Variants in PTK2 observed in about 807,000 individuals in gnomAD.
PTK2 encodes protein tyrosine kinase 2.
A neutral mutation model predicts 150.1 loss-of-function variants in PTK2; 45 were observed. The ratio of observed to expected loss-of-function variants is 0.30; its 90% CI spans 0.24 to 0.38. The LOEUF is 0.38. Ranked by LOEUF, PTK2 falls within the 10% of genes least tolerant of loss-of-function variation. The pLI, the probability that PTK2 is intolerant of heterozygous loss-of-function variation, is 1.00. For missense variants in PTK2, 919 were observed against 1,307.3 expected (o/e 0.70, Z 4.58); for synonymous variants, 432 against 449.2 (o/e 0.96, Z 0.48).
At chr8:140,786,702 A>T (rs2100085171) in intron 14 of PTK2, among the ~76,000 whole-genome samples, 1 of 152,146 alleles carries the variant, frequency 6.6e-6, no homozygotes, top group Admixed American at 6.6e-5. Flanking sequence ...AGCAAGCAGT[A>T]GGGGAATGAC....
In PTK2 at chr8:140,719,650, T is replaced by C. The variant is rs1195673719; in HGVS notation, c.2031-1941A>G. 2.0e-5 allele frequency among the ~76,000 whole-genome samples: 3 copies of C among 152,196 alleles called. No individual in the cohort carries two copies. In the East Asian group the frequency reaches 5.8e-4, roughly 29 times the overall value. On this transcript the variant is annotated intron_variant, in intron 22 of 31. Coordinates refer to ENST00000522684, the Ensembl canonical transcript of PTK2. Reference sequence around the variant, plus strand: ...GAGGGCTGCTCATTCAGCAAGTATTTGTTAACTTTGCTAACTTGCTCTGTG... The same window carrying C: ...GAGGGCTGCTCATTCAGCAAGTATTCGTTAACTTTGCTAACTTGCTCTGTG...
intron 27 of PTK2, among the ~76,000 whole-genome samples, chr8:140,681,044 G>C (rs961841283): frequency 5.9e-5 from 9 of 152,168 alleles, no homozygotes; most frequent in Non-Finnish European, 1.2e-4. Flanking sequence ...TTTGGCGTTG[G>C]TTTGCTCAAA....
intron 2 of PTK2, among the ~76,000 whole-genome samples, chr8:140,896,350 C>T (rs538237622): frequency 1.3e-5 from 2 of 152,128 alleles, no homozygotes; most frequent in East Asian, 1.9e-4. Flanking sequence ...GGATGAGAAA[C>T]GATAAAAGTC....
Position 140,861,174 on chromosome 8 carries a change from C to A in PTK2, c.450+3138G>T, listed in dbSNP as rs1447363522. Among the ~76,000 whole-genome samples, 6 of 151,972 alleles carry A rather than the reference C, an allele frequency of 3.9e-5. No homozygotes were observed. The East Asian group carries it at 1.2e-3, about 29-fold the overall frequency. The stretch of plus-strand genomic sequence containing the variant: ...TGGGTGGGTAACATAGCAAGACCCC[C>A]ATCTCTACAAAAGACTTTTTAAAAA... On this transcript the variant is annotated intron_variant, in intron 5 of 31. Transcript: ENST00000522684.
chr8:140,918,999 C>T (rs2100166379), intron 2 of PTK2, among the ~76,000 whole-genome samples: 1 of 152,138 alleles, frequency 6.6e-6, no homozygotes, highest in African/African-American at 2.4e-5. Context: ...ACAAGAGTAA[C>T]ATGAGGGGAG....
At chr8:140,723,162 C>T (rs1283751847) in intron 22 of PTK2, among the ~76,000 whole-genome samples, 2 of 152,224 alleles carry the variant, frequency 1.3e-5, no homozygotes, top group African/African-American at 4.8e-5. Context: ...AGCCCTTAAT[C>T]ACATATTGCC....
chr8:140,964,035 C>G (rs9324537), intron 1 of PTK2, among the ~76,000 whole-genome samples: 62,744 of 151,926 alleles, frequency 0.41, 15,045 homozygotes, highest in Non-Finnish European at 0.55. Context: ...TTTACTTATG[C>G]CAGTCCTTCT....
intron 23 of PTK2, among the ~76,000 whole-genome samples, chr8:140,715,391 C>T (rs1460268007): frequency 2.0e-5 from 3 of 151,878 alleles, no homozygotes; most frequent in East Asian, 3.9e-4. Flanking sequence ...AGGCTGGTCT[C>T]GAATTCCTGA....
chr8:140,816,001 T>A (rs1400904481), intron 10 of PTK2, among the ~76,000 whole-genome samples: 1 of 152,166 alleles, frequency 6.6e-6, no homozygotes, highest in Non-Finnish European at 1.5e-5. Context: ...TTAAACATGA[T>A]CTTTGAGCTT....
At chr8:140,899,301 C>T (rs970962035) in intron 2 of PTK2, among the ~76,000 whole-genome samples, 1 of 152,084 alleles carries the variant, frequency 6.6e-6, no homozygotes, top group African/African-American at 2.4e-5. Flanking sequence ...AAAGAGTTGA[C>T]CAAGATTCCC....
chr8:140,992,192 T>A (rs1186023799), intron 1 of PTK2, among the ~76,000 whole-genome samples: 1 of 149,810 alleles, frequency 6.7e-6, no homozygotes. Context: ...CTCAAGAGGC[T>A]GAGGCAGGAG....
intron 8 of PTK2, among the ~76,000 whole-genome samples, chr8:140,826,980 G>A (rs1305816254): frequency 6.6e-6 from 1 of 152,050 alleles, no homozygotes; most frequent in Non-Finnish European, 1.5e-5. Context: ...CATTCTTACA[G>A]AAGCCATTCC....
rs534488196 is a variant in PTK2 at position 140,880,772 on chromosome 8, C to T, written c.196-1135G>A. ...GCCTTCTCCATAAGCAAAGATAAAT[C>T]GTAACATGTACCATATACAAAAACT... On this transcript the variant is annotated intron_variant, in intron 3 of 31. Coordinates refer to ENST00000522684, the Ensembl canonical transcript of PTK2. Among the ~76,000 whole-genome samples, 9 of 152,208 alleles carry T rather than the reference C, an allele frequency of 5.9e-5. No homozygotes were observed. The East Asian group carries it at 1.5e-3, about 26-fold the overall frequency.
At chr8:140,951,364 G>A (rs1190286935) in intron 1 of PTK2, among the ~76,000 whole-genome samples, 1 of 152,280 alleles carries the variant, frequency 6.6e-6, no homozygotes, top group Non-Finnish European at 1.5e-5. Flanking sequence ...ACGGACTTAC[G>A]AAGGGGAACT....
intron 3 of PTK2, 127 bp downstream of exon 3, chr8:140,890,416 G>C: frequency 1.4e-6 from 1 of 711,438 alleles, no homozygotes; most frequent in Non-Finnish European, 2.2e-6. Context: ...ATTAAAAATA[G>C]CATTTCTGTA....
intron 7 of PTK2, among the ~76,000 whole-genome samples, chr8:140,842,245 T>TA (rs2100122779): frequency 6.6e-6 from 1 of 152,066 alleles, no homozygotes; most frequent in Non-Finnish European, 1.5e-5. Context: ...TAGAATGTAT[T>TA]ATTACCTTTG....
chr8:140,838,155 T>C (rs1419433939), intron 7 of PTK2, among the ~76,000 whole-genome samples: 1 of 152,156 alleles, frequency 6.6e-6, no homozygotes, highest in Non-Finnish European at 1.5e-5. Flanking sequence ...ATCTAATAAA[T>C]TATGTGGAAC....
chr8:140,811,756 G>C (rs766519872), intron 10 of PTK2, among the ~76,000 whole-genome samples: 1 of 152,142 alleles, frequency 6.6e-6, no homozygotes, highest in East Asian at 1.9e-4. Flanking sequence ...ACACTACAAA[G>C]ATTTCATAAT....
At chr8:140,947,918 C>T (rs1277655429) in intron 1 of PTK2, among the ~76,000 whole-genome samples, 6 of 152,084 alleles carry the variant, frequency 3.9e-5, no homozygotes, top group African/African-American at 1.4e-4. Context: ...TCCCAAGGGG[C>T]TATTTCTCTA....
Sources: gnomAD v4.1 joint callset for allele counts (sites outside exome capture counted in the v4.1 genomes callset) on GRCh38, gnomAD v4.1.1 for gene constraint, MANE v1.5 for transcripts, NCBI Gene and HGNC (gene_info 2026-07-23, HGNC 2026-07-21) for gene names.